The following SAMMSON variants were observed in gnomAD, a reference collection of about 807,000 sequenced individuals.
SAMMSON encodes the protein long intergenic non-protein coding RNA 1212.
chr3:70,053,950 CT>C (rs201222992), intron 3 of SAMMSON, among the ~76,000 whole-genome samples: 8 of 151,828 alleles, frequency 5.3e-5, no homozygotes, highest in African/African-American at 1.9e-4. Flanking sequence ...CACTCATTGC[CT>C]TTTTTTTAAA....
intron 3 of SAMMSON, among the ~76,000 whole-genome samples, chr3:70,019,999 C>T (rs9841257): frequency 1.3e-5 from 2 of 152,030 alleles, no homozygotes; most frequent in African/African-American, 4.8e-5. Flanking sequence ...TCCAGAAGCT[C>T]AGGAAATTCT....
chr3:70,264,804 G>GGT (rs1369513592), intron 6 of SAMMSON, among the ~76,000 whole-genome samples: 1 of 152,062 alleles, frequency 6.6e-6, no homozygotes, highest in East Asian at 1.9e-4. Flanking sequence ...GAAACTCTTG[G>GGT]GTGTGTGTGT....
At chr3:70,212,332 C>A (rs539449793) in intron 4 of SAMMSON, among the ~76,000 whole-genome samples, 100 of 152,236 alleles carry the variant, frequency 6.6e-4, no homozygotes, top group Non-Finnish European at 1.2e-3. Context: ...TATGATGCCT[C>A]TTTCTACTAA....
chr3:70,180,004 A>ATGTGTG lies in SAMMSON; in HGVS notation n.508-69084_508-69079dup, dbSNP rs10555321. Among the ~76,000 whole-genome samples the ATGTGTG allele has an allele frequency of 6.1e-5, 9 of 148,098 alleles. 1 individual carries two copies. Among genetic ancestry groups the ATGTGTG allele is most frequent in the Admixed American group, 2.7e-4 (4 of 14,780 alleles). On this transcript the variant is annotated intron_variant and non_coding_transcript_variant, in intron 4 of 9. Coordinates refer to ENST00000642114, the Ensembl canonical transcript of SAMMSON. ...TTTTATTATTTTACCTGTGCTTCGT[A>ATGTGTG]TGTGTGTGTGTGTGTGTGTGTGTGC...
intron 4 of SAMMSON, among the ~76,000 whole-genome samples, chr3:70,178,110 G>A (rs1382702137): frequency 6.6e-6 from 1 of 152,136 alleles, no homozygotes; most frequent in Non-Finnish European, 1.5e-5. Context: ...TGCTGGGGAT[G>A]TATATCACCC....
intron 4 of SAMMSON, among the ~76,000 whole-genome samples, chr3:70,153,847 A>C (rs1469366437): frequency 6.6e-6 from 1 of 151,936 alleles, no homozygotes; most frequent in Non-Finnish European, 1.5e-5. Context: ...CACTGAACTC[A>C]TTGAACAATA....
chr3:70,379,803 G>A (rs1396404350), intron 9 of SAMMSON, among the ~76,000 whole-genome samples: 1 of 152,076 alleles, frequency 6.6e-6, no homozygotes, highest in Non-Finnish European at 1.5e-5. Context: ...AAAAAGGAAA[G>A]CGTGTTATGC....
chr3:70,201,402 T>C (rs1342412699), intron 4 of SAMMSON, among the ~76,000 whole-genome samples: 1 of 152,128 alleles, frequency 6.6e-6, no homozygotes, highest in Non-Finnish European at 1.5e-5. Context: ...GCTGTGTAGT[T>C]CTCCATGGTA....
chr3:70,231,895 G>C (rs901625439), intron 4 of SAMMSON, among the ~76,000 whole-genome samples: 1 of 152,180 alleles, frequency 6.6e-6, no homozygotes, highest in Non-Finnish European at 1.5e-5. Flanking sequence ...GTGCATGTGT[G>C]TCTGTTTTTC....
intron 3 of SAMMSON, among the ~76,000 whole-genome samples, chr3:70,045,149 A>G (rs1197644679): frequency 1.9e-5 from 2 of 107,858 alleles, no homozygotes; most frequent in Admixed American, 1.0e-4. Context: ...ATTTATATAT[A>G]TTAATTATAA....
intron 3 of SAMMSON, among the ~76,000 whole-genome samples, chr3:70,029,259 C>T (rs1461978255): frequency 6.6e-6 from 1 of 152,104 alleles, no homozygotes; most frequent in African/African-American, 2.4e-5. Flanking sequence ...TAATTCTCTC[C>T]TCTTTGACTG....
chr3:70,410,983 C>T (rs1372738589), intron 2 of SAMMSON, among the ~76,000 whole-genome samples: 1 of 152,152 alleles, frequency 6.6e-6, no homozygotes, highest in Non-Finnish European at 1.5e-5. Context: ...GGAGCACTGT[C>T]TCATTCATTA....
At chr3:70,274,450 G>T (rs1480843718) in intron 6 of SAMMSON, among the ~76,000 whole-genome samples, 1 of 152,118 alleles carries the variant, frequency 6.6e-6, no homozygotes, top group East Asian at 1.9e-4. Context: ...AGTGTTACAA[G>T]ATATATTTGA....
chr3:70,375,655 T>C (rs1703008481), intron 9 of SAMMSON, among the ~76,000 whole-genome samples: 1 of 152,200 alleles, frequency 6.6e-6, no homozygotes, highest in South Asian at 2.1e-4. Flanking sequence ...TATTTGCATA[T>C]GCCAACTTCA....
chr3:70,129,153 T>C (rs1324218995), intron 4 of SAMMSON, among the ~76,000 whole-genome samples: 1 of 152,186 alleles, frequency 6.6e-6, no homozygotes. Context: ...GATTTAACAT[T>C]TTGATAAAAG....
intron 4 of SAMMSON, chr3:70,205,765 T>C (rs975250315): frequency 1.3e-5 from 2 of 152,144 alleles, no homozygotes; most frequent in Non-Finnish European, 2.9e-5. Flanking sequence ...AAATATGTAT[T>C]TAAATGTAGA....
chr3:70,226,158 A>T (rs1168572423), intron 4 of SAMMSON, among the ~76,000 whole-genome samples: 1 of 152,240 alleles, frequency 6.6e-6, no homozygotes, highest in Non-Finnish European at 1.5e-5. Context: ...GACAGTAATC[A>T]GCATTTCCTT....
chr3:70,296,755 A>G (rs1016438105), intron 7 of SAMMSON, among the ~76,000 whole-genome samples: 1 of 152,152 alleles, frequency 6.6e-6, no homozygotes, highest in African/African-American at 2.4e-5. Context: ...TGCTTGGGCT[A>G]CTATAAGCCC....
intron 4 of SAMMSON, among the ~76,000 whole-genome samples, chr3:70,105,038 A>G (rs188436190): frequency 3.9e-5 from 6 of 152,188 alleles, no homozygotes; most frequent in Admixed American, 2.6e-4. Flanking sequence ...TAAGCCAAGC[A>G]CCCTTTCTCA....
Sources: allele counts gnomAD v4.1 joint callset (sites outside exome capture counted in the v4.1 genomes callset), GRCh38; gene constraint gnomAD v4.1.1; transcripts MANE v1.5; gene names NCBI Gene and HGNC (gene_info 2026-07-23, HGNC 2026-07-21).